Variants in TOR1AIP2 observed in about 807,000 individuals in gnomAD.
TOR1AIP2 encodes the protein torsin-1A-interacting protein 2.
TOR1AIP2 carries 20 observed loss-of-function variants against 32.6 expected under a neutral mutation model. The observed-to-expected ratio is 0.61, with a 90% CI of 0.43 to 0.89. TOR1AIP2 has a LOEUF of 0.89. Among genes scored for constraint, TOR1AIP2 ranks in the 40% least tolerant of loss-of-function variants. The pLI, the probability that TOR1AIP2 is intolerant of heterozygous loss-of-function variation, is 0.00. For synonymous variants in TOR1AIP2, 214 were observed against 210.8 expected (o/e 1.02, Z -0.13); for missense variants, 456 against 553.8 (o/e 0.82, Z 1.77).
In TOR1AIP2 at chr1:179,843,527, A is replaced by T. The variant is rs1695793206; in HGVS notation, c.*2544T>A. 1 of 152,336 alleles carries T rather than the reference A, an allele frequency of 6.6e-6. No individual in the cohort carries two copies. The highest frequency in any genetic ancestry group is 1.5e-5 in the Non-Finnish European group (1 of 68,722). The allele number at this position is 152,336 out of a possible 1,614,324, so 9.4% of individuals were successfully genotyped here. A position where few individuals can be genotyped will look rare whatever the true frequency, so the allele number is the denominator to read the frequency against. ...CCTTCTCTCAAAAAAAAAAAAAAAA[A>T]AAAAAGAAGTTTGGTTGGGTGCATT... On this transcript the variant is annotated 3_prime_UTR_variant, in exon 7 of 7. Coordinates refer to ENST00000609928, the MANE Select transcript of TOR1AIP2 (RefSeq NM_001199260.2).
chr1:179,860,301 G>T, intron 3 of TOR1AIP2: 1 of 769,272 alleles, frequency 1.3e-6, no homozygotes, highest in Non-Finnish European at 1.6e-6. Flanking sequence ...TGGGCAACAT[G>T]GCGATACTCC....
chr1:179,861,007 G>A, intron 3 of TOR1AIP2: 2 of 985,410 alleles, frequency 2.0e-6, no homozygotes, highest in Non-Finnish European at 2.4e-6. Flanking sequence ...TCCCCCAACA[G>A]CCACCTCTTT....
chr1:179,855,340 T>C (rs757570923), intron 3 of TOR1AIP2, among the ~76,000 whole-genome samples: 2 of 152,172 alleles, frequency 1.3e-5, no homozygotes, highest in Non-Finnish European at 2.9e-5. Flanking sequence ...AAGGAATTAA[T>C]ATTGAGAACA....
intron 2 of TOR1AIP2, among the ~76,000 whole-genome samples, chr1:179,873,493 T>C (rs1697086245): frequency 1.3e-5 from 2 of 152,234 alleles, no homozygotes; most frequent in Admixed American, 6.5e-5. Context: ...CTTGTCTCAT[T>C]ACTGGTGATG....
At chr1:179,856,493 T>C (rs763756605) in intron 3 of TOR1AIP2, among the ~76,000 whole-genome samples, 1 of 152,236 alleles carries the variant, frequency 6.6e-6, no homozygotes. Flanking sequence ...TGTTCATAGT[T>C]GAAATGGCAT....
chr1:179,847,781 C>G (rs1179943764), intron 5 of TOR1AIP2, 145 bp from the exon 6 acceptor site: 1 of 614,030 alleles, frequency 1.6e-6, no homozygotes, highest in African/African-American at 1.9e-5. Context: ...TGCCTGTAAT[C>G]CCAGCACTTT....
chr1:179,861,796 T>C, intron 3 of TOR1AIP2: 1 of 985,090 alleles, frequency 1.0e-6, no homozygotes. Flanking sequence ...TACTACAGCA[T>C]TTCTCAAAGT....
intron 3 of TOR1AIP2, 48 bp from the exon 4 acceptor site, chr1:179,852,859 G>C: frequency 1.6e-6 from 2 of 1,260,248 alleles, no homozygotes; most frequent in Non-Finnish European, 2.0e-6. Flanking sequence ...CCATACAAGG[G>C]AGAAATGCAA....
chr1:179,861,993 C>T (rs945695260), intron 3 of TOR1AIP2: 5 of 985,286 alleles, frequency 5.1e-6, no homozygotes, highest in African/African-American at 1.7e-5. Context: ...TGCCATGGCA[C>T]CCGGCATGAG....
intron 3 of TOR1AIP2, chr1:179,859,852 G>A: frequency 6.1e-6 from 6 of 984,828 alleles, no homozygotes; most frequent in Non-Finnish European, 7.2e-6. Context: ...TTTAGATAAA[G>A]GGCCTTACTC....
chr1:179,856,309 G>A (rs1196996897), intron 3 of TOR1AIP2, among the ~76,000 whole-genome samples: 2 of 152,130 alleles, frequency 1.3e-5, no homozygotes. Context: ...CAGAACTGAA[G>A]GTTTTCAAAA....
intron 3 of TOR1AIP2, chr1:179,859,443 T>C (rs889149624): frequency 2.0e-6 from 2 of 985,296 alleles, no homozygotes; most frequent in African/African-American, 3.5e-5. Flanking sequence ...TAAAAGCTTG[T>C]ATTAAGCATA....
rs1204093633 is a variant in TOR1AIP2, at chr1:179,843,336, T to C, written c.*2735A>G. The stretch of plus-strand genomic sequence containing the variant: ...ACCTGGACAACATAGCAAAACCTCG[T>C]CTCTATTAAAAATACAATAATTAGC... On this transcript the variant is annotated 3_prime_UTR_variant, in exon 7 of 7. Transcript: ENST00000609928. The C allele has an allele frequency of 6.6e-6, 1 of 151,212 alleles. No individual in the cohort carries two copies. Among genetic ancestry groups the C allele is most frequent in the Non-Finnish European group, 1.5e-5 (1 of 67,860 alleles). 9.4% of individuals were successfully genotyped at this position (151,212 alleles called of 1,614,324 possible).
chr1:179,874,077 GACA>G (rs1453244866), intron 2 of TOR1AIP2: 7 of 152,172 alleles, frequency 4.6e-5, no homozygotes, highest in African/African-American at 1.2e-4. Flanking sequence ...CAACAATATG[GACA>G]ACAAGTGTTT....
intron 3 of TOR1AIP2, among the ~76,000 whole-genome samples, chr1:179,856,706 T>C (rs1465838985): frequency 6.6e-6 from 1 of 152,130 alleles, no homozygotes; most frequent in Non-Finnish European, 1.5e-5. Flanking sequence ...AACCTCCAAC[T>C]TCCAGGTTCA....
At chr1:179,849,246 A>C (rs552577234) in intron 5 of TOR1AIP2, among the ~76,000 whole-genome samples, 2 of 152,268 alleles carry the variant, frequency 1.3e-5, no homozygotes, top group South Asian at 4.2e-4. Context: ...TCCATACATA[A>C]ACTGCATTTT....
At chr1:179,860,511 T>C in intron 3 of TOR1AIP2, 2 of 985,476 alleles carry the variant, frequency 2.0e-6, no homozygotes, top group Non-Finnish European at 2.4e-6. Flanking sequence ...AGTAAGACTC[T>C]ACCTTATTCC....
intron 3 of TOR1AIP2, chr1:179,863,644 T>C (rs1022701782): frequency 5.3e-5 from 49 of 932,556 alleles, no homozygotes; most frequent in Admixed American, 1.2e-4. Context: ...GCCTGGGTCA[T>C]ACAGCAAGAC....
At position 179,850,940 on chromosome 1, in the gene TOR1AIP2, G is replaced by C. The variant is rs747496738; in HGVS notation, c.458C>G (p.Pro153Arg). The C allele has an allele frequency of 2.5e-6, 4 of 1,614,200 alleles. No individual in the cohort carries two copies. In the South Asian group the frequency reaches 4.4e-5, roughly 18 times the overall value. The change falls in exon 5 of 7, where the codon CCA becomes CGA. Residue 153 changes from proline (P) to arginine (R), a missense_variant. Transcript: ENST00000609928. The part of the protein sequence containing the change: ...ASDGTGASQE[P>R]PTTDSQEAQS... ...GGCCTCCTGGGAGTCTGTAGTAGGT[G>C]GTTCCTGAGATGCTCCAGTTCCGTC... is the stretch of plus-strand genomic sequence containing the variant.
Sources: allele counts gnomAD v4.1 joint callset (sites outside exome capture counted in the v4.1 genomes callset), GRCh38; gene constraint gnomAD v4.1.1; transcripts MANE v1.5; gene names NCBI Gene and HGNC (gene_info 2026-07-23, HGNC 2026-07-21).